The following KLF8 variants were observed in gnomAD, a reference collection of about 807,000 sequenced individuals.
KLF8 encodes the protein Krueppel-like factor 8.
A neutral mutation model predicts 18.2 loss-of-function variants in KLF8; 10 were observed. The ratio of observed to expected loss-of-function variants is 0.55; its 90% CI spans 0.34 to 0.93. The LOEUF is 0.93. Among genes scored for constraint, KLF8 ranks in the 40% least tolerant of loss-of-function variants. The pLI is 0.02. For synonymous variants in KLF8, 109 were observed against 97.3 expected, an observed-to-expected ratio of 1.12 and a Z score of -0.71; for missense variants, 264 against 277.9, an observed-to-expected ratio of 0.95 and a Z score of 0.36.
the KLF8 span, among the ~76,000 whole-genome samples, chrX:55,998,458 C>T: frequency 1.8e-5 from 2 of 112,320 alleles, no homozygotes; most frequent in Non-Finnish European, 3.8e-5. Context: ...TTTTTGTGTC[C>T]CTGGGTACTT....
At chrX:56,169,192 A>G in the KLF8 span, among the ~76,000 whole-genome samples, 1 of 111,308 alleles carries the variant, frequency 9.0e-6, no homozygotes. Flanking sequence ...ATCAGAGGTA[A>G]TACCCAGGTA....
At chrX:56,169,082 C>T in the KLF8 span, among the ~76,000 whole-genome samples, 2 of 111,215 alleles carry the variant, frequency 1.8e-5, no homozygotes, top group Non-Finnish European at 3.8e-5. Flanking sequence ...CATTTGTAGC[C>T]GCACTCTGTG....
At chrX:56,013,719 T>G in the KLF8 span, among the ~76,000 whole-genome samples, 9,504 of 111,223 alleles carry the variant, frequency 0.085, 995 homozygotes, top group African/African-American at 0.3. Context: ...CAGTCGTTCT[T>G]CTGCTGCCAC....
chrX:56,285,382 G>C lies in KLF8; in HGVS notation c.*888G>C, dbSNP rs1254662841. ...AACAAATAGAGGGGTTCCTTTACTT[G>C]TATAGGATATCAAAAGTGCTGTTAA... On this transcript the variant is annotated 3_prime_UTR_variant, in exon 6 of 6. Coordinates refer to ENST00000468660, the MANE Select transcript of KLF8 (RefSeq NM_007250.5). 3 of 111,785 alleles carry C rather than the reference G, an allele frequency of 2.7e-5. No individual in the cohort carries two copies. The highest frequency in any genetic ancestry group is 5.6e-5 in the Non-Finnish European group (3 of 53,189). The allele number at this position is 111,785 out of a possible 1,213,427, so 9.2% of individuals were successfully genotyped here. A position where few individuals can be genotyped will look rare whatever the true frequency, so the allele number is the denominator to read the frequency against.
the KLF8 span, among the ~76,000 whole-genome samples, chrX:55,931,227 G>A: frequency 1.8e-5 from 2 of 111,668 alleles, no homozygotes; most frequent in Admixed American, 9.5e-5. Context: ...TATTTCTGTG[G>A]GATCAGTGGT....
chrX:56,061,294 G>A, the KLF8 span, among the ~76,000 whole-genome samples: 1 of 111,637 alleles, frequency 9.0e-6, no homozygotes, highest in African/African-American at 3.3e-5. Context: ...TTTCTCCTGT[G>A]GACATTTAGT....
the KLF8 span, among the ~76,000 whole-genome samples, chrX:55,915,410 G>A: frequency 1.8e-5 from 2 of 111,708 alleles, no homozygotes; most frequent in Non-Finnish European, 3.8e-5. Context: ...ATCAAAGTGA[G>A]TCAGTAACTG....
At chrX:55,913,416 T>C in the KLF8 span, among the ~76,000 whole-genome samples, 55 of 111,689 alleles carry the variant, frequency 4.9e-4, no homozygotes, top group Non-Finnish European at 8.9e-4. Context: ...TTTATTTTTT[T>C]ATGAGATCAT....
the KLF8 span, among the ~76,000 whole-genome samples, chrX:56,174,968 C>T: frequency 9.0e-6 from 1 of 111,622 alleles, no homozygotes; most frequent in African/African-American, 3.3e-5. Context: ...TTTATTGCGT[C>T]TATTTGGTTC....
At chrX:56,052,192 A>G in the KLF8 span, among the ~76,000 whole-genome samples, 3 of 110,656 alleles carry the variant, frequency 2.7e-5, no homozygotes. Context: ...CAAAGTTTTC[A>G]ACTTCTTTGC....
chrX:56,277,570 C>T (rs973583528), intron 5 of KLF8, among the ~76,000 whole-genome samples: 4 of 112,188 alleles, frequency 3.6e-5, no homozygotes, highest in Non-Finnish European at 7.5e-5. Context: ...ATCCCTGTGG[C>T]CACCACCACT....
At chrX:56,219,625 C>T in the KLF8 span, among the ~76,000 whole-genome samples, 1 of 112,152 alleles carries the variant, frequency 8.9e-6, no homozygotes, top group African/African-American at 3.2e-5. Context: ...ATCCTCTCCC[C>T]AATGTCCTCA....
the KLF8 span, among the ~76,000 whole-genome samples, chrX:56,093,905 A>ATGTG: frequency 0.039 from 3,442 of 88,933 alleles, 87 homozygotes; most frequent in Admixed American, 0.097. Flanking sequence ...TATATATTAT[A>ATGTG]TGTGTGTGTG....
intron 5 of KLF8, among the ~76,000 whole-genome samples, chrX:56,275,431 T>TTATG (rs1242538820): frequency 3.6e-5 from 4 of 111,594 alleles, no homozygotes; most frequent in African/African-American, 1.3e-4. Flanking sequence ...AAATATAAGA[T>TTATG]TATGTCTTCT....
chrX:56,106,770 C>A, the KLF8 span, among the ~76,000 whole-genome samples: 2 of 112,203 alleles, frequency 1.8e-5, no homozygotes, highest in African/African-American at 6.5e-5. Flanking sequence ...CAAGGAGCTG[C>A]AATCCTTTGG....
the KLF8 span, among the ~76,000 whole-genome samples, chrX:56,160,331 C>G: frequency 2.7e-5 from 3 of 111,410 alleles, no homozygotes; most frequent in South Asian, 3.8e-4. Flanking sequence ...TTTTGGAATA[C>G]GTGTGGTGTG....
At chrX:55,909,677 A>G in the KLF8 span, among the ~76,000 whole-genome samples, 2 of 112,648 alleles carry the variant, frequency 1.8e-5, no homozygotes, top group African/African-American at 6.5e-5. Context: ...GTTCAGTACC[A>G]GGTGTCCATA....
chrX:56,107,965 T>C, the KLF8 span, among the ~76,000 whole-genome samples: 1 of 112,196 alleles, frequency 8.9e-6, no homozygotes, highest in East Asian at 2.8e-4. Context: ...TTGTATTCTT[T>C]TGAATATTAT....
intron 4 of KLF8, 122 bp from the exon 5 acceptor site, chrX:56,270,060 A>G: frequency 1.5e-6 from 1 of 661,471 alleles, no homozygotes; most frequent in Non-Finnish European, 2.3e-6. Flanking sequence ...TTTTGGGGGG[A>G]CCTAGCATTA....
Sources: gnomAD v4.1 joint callset for allele counts (sites outside exome capture counted in the v4.1 genomes callset) on GRCh38, gnomAD v4.1.1 for gene constraint, MANE v1.5 for transcripts, NCBI Gene and HGNC (gene_info 2026-07-23, HGNC 2026-07-21) for gene names.